The following FUT9 variants were observed in gnomAD, a reference collection of about 807,000 sequenced individuals.
The protein encoded by FUT9 is 4-galactosyl-N-acetylglucosaminide 3-alpha-L-fucosyltransferase 9.
FUT9 carries 15 observed loss-of-function variants against 29.7 expected under a neutral mutation model. The ratio of observed to expected loss-of-function variants is 0.51; its 90% CI spans 0.34 to 0.78. The LOEUF (loss-of-function observed/expected upper bound fraction) is 0.78. Among genes scored for constraint, FUT9 ranks in the 30% least tolerant of loss-of-function variants. The pLI, the probability that FUT9 is intolerant of heterozygous loss-of-function variation, is 0.01. For synonymous variants in FUT9, 169 were observed against 153.7 expected (o/e 1.10, Z -0.74); for missense variants, 319 against 425.4 (o/e 0.75, Z 2.20).
At chr6:96,147,852 A>C (rs149711275) in intron 2 of FUT9, among the ~76,000 whole-genome samples, 1 of 150,630 alleles carries the variant, frequency 6.6e-6, no homozygotes, top group Non-Finnish European at 1.5e-5. Context: ...TCACAGCCAC[A>C]CTAGATAAAA....
intron 1 of FUT9, among the ~76,000 whole-genome samples, chr6:96,056,574 A>G (rs1770772808): frequency 6.6e-6 from 1 of 152,136 alleles, no homozygotes; most frequent in Non-Finnish European, 1.5e-5. Context: ...ATAAGCAAAT[A>G]TACCTAGTAT....
intron 2 of FUT9, among the ~76,000 whole-genome samples, chr6:96,120,424 C>T (rs1772003578): frequency 6.6e-6 from 1 of 150,666 alleles, no homozygotes; most frequent in Non-Finnish European, 1.5e-5. Context: ...GCGTCCGCCA[C>T]CACGCCCAGC....
At chr6:96,135,699 G>T (rs1772335789) in intron 2 of FUT9, among the ~76,000 whole-genome samples, 1 of 151,878 alleles carries the variant, frequency 6.6e-6, no homozygotes, top group Non-Finnish European at 1.5e-5. Context: ...AGTTTCTGTT[G>T]TAGAAGACGA....
chr6:96,133,949 G>C (rs1772299101), intron 2 of FUT9, among the ~76,000 whole-genome samples: 1 of 151,690 alleles, frequency 6.6e-6, no homozygotes, highest in African/African-American at 2.4e-5. Context: ...GTTAAGGTAA[G>C]TAGGCATAAT....
chr6:96,129,021 G>T (rs1772184086), intron 2 of FUT9, among the ~76,000 whole-genome samples: 1 of 151,378 alleles, frequency 6.6e-6, no homozygotes, highest in Non-Finnish European at 1.5e-5. Context: ...ACTTTGGGAG[G>T]CCGAGGCGGG....
chr6:96,120,269 C>CTTTTTTTTTTTTTTTT (rs11347804), intron 2 of FUT9, among the ~76,000 whole-genome samples: 11 of 91,464 alleles, frequency 1.2e-4, no homozygotes, highest in South Asian at 4.7e-4. Flanking sequence ...TTTTTTCTTT[C>CTTTTTTTTTTTTTTTT]TTTTTTTTTT....
intron 2 of FUT9, among the ~76,000 whole-genome samples, chr6:96,186,154 A>T (rs368665668): frequency 2.6e-5 from 4 of 152,152 alleles, no homozygotes; most frequent in East Asian, 3.9e-4. Flanking sequence ...TACTTTTCTC[A>T]TAATCTATAC....
Position 96,204,323 on chromosome 6 carries a change from T to C in FUT9, c.*88T>C. ...TAAGAAGAGATGCAACATACTACTTTTGTGTCACAATTTATTTTTATCACC... is the reference window on the plus strand; with the variant it reads ...TAAGAAGAGATGCAACATACTACTTCTGTGTCACAATTTATTTTTATCACC... On this transcript the variant is annotated 3_prime_UTR_variant, in exon 3 of 3. Transcript: ENST00000302103. 1 of 924,318 alleles carries C rather than the reference T, an allele frequency of 1.1e-6. No homozygotes were observed. The highest frequency in any genetic ancestry group is 1.5e-6 in the Non-Finnish European group (1 of 651,572). 57.3% of individuals were successfully genotyped at this position (924,318 alleles called of 1,614,324 possible). A position where few individuals can be genotyped will look rare whatever the true frequency, so the allele number is the denominator to read the frequency against.
intron 1 of FUT9, among the ~76,000 whole-genome samples, chr6:96,097,292 G>A (rs916940769): frequency 6.6e-6 from 1 of 152,212 alleles, no homozygotes; most frequent in African/African-American, 2.4e-5. Context: ...GCAGCGGTGT[G>A]CTGGAGCCAG....
chr6:96,124,631 T>A, intron 2 of FUT9, among the ~76,000 whole-genome samples: 1 of 152,042 alleles, frequency 6.6e-6, no homozygotes, highest in Non-Finnish European at 1.5e-5. Context: ...ACCCTGCCAG[T>A]TCTAAATTTT....
chr6:96,183,007 T>G (rs1231351670), intron 2 of FUT9, among the ~76,000 whole-genome samples: 1 of 152,078 alleles, frequency 6.6e-6, no homozygotes, highest in Non-Finnish European at 1.5e-5. Flanking sequence ...GGAATTGCAT[T>G]GAATTTTTAA....
intron 2 of FUT9, among the ~76,000 whole-genome samples, chr6:96,150,987 T>C (rs898989852): frequency 8.5e-5 from 13 of 152,200 alleles, no homozygotes; most frequent in African/African-American, 3.1e-4. Context: ...TTTCTAATTA[T>C]CTTTATCAAC....
At chr6:96,094,850 G>A (rs1771468793) in intron 1 of FUT9, among the ~76,000 whole-genome samples, 1 of 151,876 alleles carries the variant, frequency 6.6e-6, no homozygotes. Context: ...TGTCATTGTT[G>A]TTGTTATTTC....
At chr6:96,131,491 C>A (rs1772244097) in intron 2 of FUT9, among the ~76,000 whole-genome samples, 1 of 152,056 alleles carries the variant, frequency 6.6e-6, no homozygotes, top group African/African-American at 2.4e-5. Context: ...AAATCGTCAA[C>A]CTTAATCATA....
chr6:96,086,107 A>T (rs1771311952), intron 1 of FUT9, among the ~76,000 whole-genome samples: 1 of 152,186 alleles, frequency 6.6e-6, no homozygotes, highest in African/African-American at 2.4e-5. Flanking sequence ...GGGTAAACCA[A>T]GGCATAGAGT....
chr6:96,119,811 T>G (rs1254750764), intron 2 of FUT9, among the ~76,000 whole-genome samples: 2 of 152,172 alleles, frequency 1.3e-5, no homozygotes, highest in African/African-American at 4.8e-5. Context: ...TTCTCCCTAT[T>G]GCTTTCCAAT....
chr6:96,060,604 T>A (rs921993415), intron 1 of FUT9, among the ~76,000 whole-genome samples: 11 of 152,058 alleles, frequency 7.2e-5, no homozygotes, highest in Non-Finnish European at 1.6e-4. Flanking sequence ...TTGCGCTATC[T>A]GAGCTCACTG....
intron 2 of FUT9, among the ~76,000 whole-genome samples, chr6:96,136,952 C>T (rs1375495002): frequency 6.6e-6 from 1 of 151,880 alleles, no homozygotes; most frequent in South Asian, 2.1e-4. Flanking sequence ...AGACTGCATT[C>T]CCCCAAATAG....
intron 2 of FUT9, among the ~76,000 whole-genome samples, chr6:96,173,177 T>C (rs988610213): frequency 6.6e-6 from 1 of 151,952 alleles, no homozygotes; most frequent in Non-Finnish European, 1.5e-5. Context: ...ATATTTGAGG[T>C]GCTGGCTCCC....
Sources: allele counts gnomAD v4.1 joint callset (sites outside exome capture counted in the v4.1 genomes callset), GRCh38; gene constraint gnomAD v4.1.1; transcripts MANE v1.5; gene names NCBI Gene and HGNC (gene_info 2026-07-23, HGNC 2026-07-21).